ATXN2: variants seen among roughly 807,000 people sequenced by gnomAD.
ATXN2 encodes ataxin 2.
A neutral mutation model predicts 138.6 loss-of-function variants in ATXN2; 37 were observed. That is an observed-to-expected ratio of 0.27 (90% CI 0.21 to 0.35). ATXN2 has a LOEUF of 0.35. Ranked by LOEUF, ATXN2 falls within the 10% of genes least tolerant of loss-of-function variation. ATXN2 has a pLI of 1.00. For missense variants in ATXN2, 1,216 were observed against 1,480.3 expected, an observed-to-expected ratio of 0.82 and a Z score of 2.93; for synonymous variants, 549 against 543.7, an observed-to-expected ratio of 1.01 and a Z score of -0.13.
At position 111,516,350 on chromosome 12, in the gene ATXN2, T is replaced by A; in HGVS notation, c.1179A>T (p.Pro393=). 6.3e-7 allele frequency: 1 copy of A among 1,579,892 alleles called. No individual in the cohort carries two copies. Among genetic ancestry groups the A allele is most frequent in the Non-Finnish European group, 8.6e-7 (1 of 1,165,060 alleles). The part of the protein sequence containing the change: ...QRVVNGGVPW[P]SPCPSPSSRP... ...GAGAGGAAGGAGATGGGCAAGGCGA[T>A]GGCCAGGGAACACCTGACAGAACAA... The change falls in exon 10 of 25, where the codon CCA becomes CCT. Residue 393 remains proline, a synonymous_variant. Coordinates refer to ENST00000673436, the MANE Select transcript of ATXN2 (RefSeq NM_001372574.1). The surrounding 1 kb of genome is among the most constrained non-coding windows in gnomAD (Gnocchi z 5.0).
chr12:111,575,726 C>T (rs551105271), intron 1 of ATXN2, among the ~76,000 whole-genome samples: 74 of 152,134 alleles, frequency 4.9e-4, no homozygotes, highest in Non-Finnish European at 4.7e-4. Flanking sequence ...GGAAATTAAA[C>T]GTGGTATGCC....
chr12:111,554,064 G>A (rs969216373), intron 3 of ATXN2, 94 bp downstream of exon 3: 1 of 840,810 alleles, frequency 1.2e-6, no homozygotes. Context: ...TCTAAGCAAT[G>A]TTACTTTGAC....
Position 111,452,754 on chromosome 12 carries a change from T to C in ATXN2, c.*58A>G. ...AATTCTAGTTTTCTGTGCTTCCAGT[T>C]GGTAGAAGCAGTAGAAGGGAGGAGG... On this transcript the variant is annotated 3_prime_UTR_variant, in exon 25 of 25. Coordinates refer to ENST00000673436, the MANE Select transcript of ATXN2 (RefSeq NM_001372574.1). 1 of 1,502,982 alleles carries C rather than the reference T, an allele frequency of 6.7e-7. No homozygotes were observed. The highest frequency in any genetic ancestry group is 1.7e-5 in the Admixed American group (1 of 59,696). 93.1% of individuals were successfully genotyped at this position (1,502,982 alleles called of 1,614,324 possible).
rs578158766 is a variant in ATXN2 at position 111,574,657 on chromosome 12, A to G, written c.252-18738T>C. Among the ~76,000 whole-genome samples the G allele has an allele frequency of 2.0e-5, 3 of 152,092 alleles. No homozygotes were observed. In the East Asian group the frequency reaches 5.8e-4, roughly 29 times the overall value. On this transcript the variant is annotated intron_variant, in intron 1 of 24. Transcript: ENST00000673436. ...AGGCTGATCTTGAATTCCTGAGCTC[A>G]AGCGACCCTCCTCCCTTGGCTTCCC...
Position 111,537,414 on chromosome 12 carries a change from G to A in ATXN2, c.572-12098C>T, listed in dbSNP as rs546856988. 5.9e-5 allele frequency among the ~76,000 whole-genome samples: 9 copies of A among 151,334 alleles called. 2 individuals carry two copies. The highest frequency in any genetic ancestry group is 4.2e-4 in the South Asian group (2 of 4,772). ...AGCCTGGCCAACATGGTGCAACCCCGTCTTTACTAAAAATATAAAATTAGT... is the reference window on the plus strand; with the variant it reads ...AGCCTGGCCAACATGGTGCAACCCCATCTTTACTAAAAATATAAAATTAGT... On this transcript the variant is annotated intron_variant, in intron 5 of 24. Transcript: ENST00000673436.
Position 111,598,170 on chromosome 12 carries a change from G to A in ATXN2, c.251+614C>T. 9.2e-7 allele frequency: 1 copy of A among 1,082,546 alleles called. No homozygotes were observed. The highest frequency in any genetic ancestry group is 1.1e-6 in the Non-Finnish European group (1 of 884,380). The allele number at this position is 1,082,546 out of a possible 1,614,324, so 67.1% of individuals were successfully genotyped here. On this transcript the variant is annotated intron_variant, in intron 1 of 24. Transcript: ENST00000673436. The surrounding 1 kb of genome is among the most constrained non-coding windows in gnomAD (Gnocchi z 4.5). ...AACGCAGAGGGGTGCGGGGGCCAAG[G>A]CCCACTTGTCTCCACCCCGTCCTCC... is the stretch of plus-strand genomic sequence containing the variant.
At chr12:111,544,305 T>C (rs970871094) in intron 5 of ATXN2, among the ~76,000 whole-genome samples, 13 of 152,196 alleles carry the variant, frequency 8.5e-5, no homozygotes, top group Admixed American at 8.5e-4. Context: ...TGACTATATA[T>C]GTAAGACCAC....
In ATXN2 at chr12:111,518,352, C is replaced by T. The variant is rs757411956; in HGVS notation, c.1062G>A (p.Pro354=). 1.4e-5 allele frequency: 23 copies of T among 1,613,326 alleles called. No homozygotes were observed. The highest frequency in any genetic ancestry group is 8.3e-5 in the Admixed American group (5 of 59,992). ...ISWGSGRQNS[P]RMGQPGSGSM... The stretch of plus-strand genomic sequence containing the variant: ...AGCCCGATCCAGGCTGGCCCATACG[C>T]GGTGAATTCTGTCTCCCACTTCCCC... Residue 354 remains proline, a synonymous_variant, in exon 9 of 25, where the codon CCG becomes CCA. Transcript: ENST00000673436.
chr12:111,507,200 A>G (rs2135724870), intron 14 of ATXN2, among the ~76,000 whole-genome samples: 1 of 149,178 alleles, frequency 6.7e-6, no homozygotes, highest in South Asian at 2.1e-4. Context: ...CCCGGCCGCC[A>G]TCCCGTCTAG....
intron 5 of ATXN2, among the ~76,000 whole-genome samples, chr12:111,548,732 G>A (rs1881967290): frequency 6.6e-6 from 1 of 152,134 alleles, no homozygotes; most frequent in Admixed American, 6.5e-5. Flanking sequence ...TGTGAGGCAA[G>A]AAAATAAAGC....
At chr12:111,577,723 A>C in intron 1 of ATXN2, among the ~76,000 whole-genome samples, 1 of 151,422 alleles carries the variant, frequency 6.6e-6, no homozygotes, top group Non-Finnish European at 1.5e-5. Context: ...TTGAGGTCAG[A>C]GGTTAAAAGT....
intron 1 of ATXN2, chr12:111,597,896 T>C: frequency 2.3e-6 from 3 of 1,287,126 alleles, no homozygotes; most frequent in South Asian, 2.5e-5. Flanking sequence ...GGGTCCAGCC[T>C]GGGTCCAGCC....
chr12:111,520,285 C>G (rs1201620601), intron 7 of ATXN2, among the ~76,000 whole-genome samples: 1 of 152,038 alleles, frequency 6.6e-6, no homozygotes, highest in African/African-American at 2.4e-5. Context: ...TCCAGAGGAA[C>G]ATATTTCAAA....
chr12:111,555,725 TA>T (rs1213270397), intron 2 of ATXN2, among the ~76,000 whole-genome samples, 157 bp downstream of exon 2: 1 of 151,946 alleles, frequency 6.6e-6, no homozygotes, highest in African/African-American at 2.4e-5. Flanking sequence ...ACAGAGTCAT[TA>T]AAAAAACACA....
rs1045164497 is a variant in ATXN2 at position 111,529,723 on chromosome 12, C to A, written c.572-4407G>T. ...CAGAGTACATATTCAGCTTCTCAAT[C>A]TTTCCTCTTTTACCTCTGAGCCAAT... On this transcript the variant is annotated intron_variant, in intron 5 of 24. Transcript: ENST00000673436. 3.2e-4 allele frequency among the ~76,000 whole-genome samples: 48 copies of A among 152,332 alleles called. 1 individual carries two copies. Among genetic ancestry groups the A allele is most frequent in the Middle Eastern group, 3.4e-3 (1 of 294 alleles).
At chr12:111,483,454 T>G (rs1877406658) in intron 18 of ATXN2, among the ~76,000 whole-genome samples, 1 of 125,462 alleles carries the variant, frequency 8.0e-6, no homozygotes, top group African/African-American at 4.2e-5. Flanking sequence ...AAAGAACTCT[T>G]TTTTTTTTTT....
At chr12:111,550,152 T>G (rs970946376) in intron 5 of ATXN2, among the ~76,000 whole-genome samples, 3 of 152,132 alleles carry the variant, frequency 2.0e-5, no homozygotes, top group Non-Finnish European at 4.4e-5. Flanking sequence ...AAACTAATTT[T>G]GTAATATATA....
At chr12:111,573,739 T>C (rs1469580736) in intron 1 of ATXN2, among the ~76,000 whole-genome samples, 1 of 152,134 alleles carries the variant, frequency 6.6e-6, no homozygotes, top group African/African-American at 2.4e-5. Flanking sequence ...GATATACAAG[T>C]AATGCTCTTG....
upstream of ATXN2, chr12:111,599,617 C>T: frequency 4.6e-6 from 5 of 1,075,806 alleles, no homozygotes; most frequent in Non-Finnish European, 4.5e-6. Context: ...GTGAGGTGGC[C>T]CCGGGGCCGG....
Sources: gnomAD v4.1 joint callset for allele counts (sites outside exome capture counted in the v4.1 genomes callset) on GRCh38, gnomAD v4.1.1 for gene constraint, Gnocchi (gnomAD v3.1) non-coding constraint, MANE v1.5 for transcripts, NCBI Gene and HGNC (gene_info 2026-07-23, HGNC 2026-07-21) for gene names.